Variants in AFAP1 observed in about 807,000 individuals in gnomAD.
AFAP1 encodes actin filament-associated protein 1.
In AFAP1, 75 loss-of-function variants were observed where a neutral mutation model predicts 93.9. The ratio of observed to expected loss-of-function variants is 0.80; its 90% CI spans 0.66 to 0.97. The LOEUF (loss-of-function observed/expected upper bound fraction) is 0.97. Ranked by LOEUF, AFAP1 falls within the 50% of genes least tolerant of loss-of-function variation. The probability of loss-of-function intolerance (pLI) is 0.00; values close to 1 mark genes in which losing one functional copy is unlikely to be tolerated. For synonymous variants in AFAP1, 517 were observed against 430.7 expected, an observed-to-expected ratio of 1.20 and a Z score of -2.48; for missense variants, 1,201 against 1,050.8, an observed-to-expected ratio of 1.14 and a Z score of -1.98.
At position 7,876,826 on chromosome 4, in the gene AFAP1, G is replaced by A. The variant is rs748816695; in HGVS notation, c.-2-4746C>T. Among the ~76,000 whole-genome samples, 8 of 152,136 alleles carry A rather than the reference G, an allele frequency of 5.3e-5. No individual in the cohort carries two copies. The South Asian group carries it at 1.4e-3, about 28-fold the overall frequency. On this transcript the variant is annotated intron_variant, in intron 1 of 17. Transcript: ENST00000420658. ...GATTCTCAAAACACAGCTCTCTAGCGCCTCAGAAAGCGAAATACTCCCATA... is the reference window on the plus strand; with the variant it reads ...GATTCTCAAAACACAGCTCTCTAGCACCTCAGAAAGCGAAATACTCCCATA...
At chr4:7,857,689 C>T (rs983830761) in intron 3 of AFAP1, among the ~76,000 whole-genome samples, 5 of 152,246 alleles carry the variant, frequency 3.3e-5, no homozygotes, top group African/African-American at 7.2e-5. Context: ...CTGCTTGATT[C>T]ACTGAGTATC....
chr4:7,873,883 CAT>C (rs1217186035), intron 1 of AFAP1, among the ~76,000 whole-genome samples: 2 of 152,164 alleles, frequency 1.3e-5, no homozygotes, highest in African/African-American at 4.8e-5. Flanking sequence ...AGAATGAACA[CAT>C]GAGCTCATCA....
chr4:7,915,843 C>T (rs1720057089), intron 1 of AFAP1, among the ~76,000 whole-genome samples: 1 of 152,242 alleles, frequency 6.6e-6, no homozygotes, highest in African/African-American at 2.4e-5. Context: ...CTTTCCCAGG[C>T]TCACTCTACA....
At chr4:7,778,639 G>T in intron 14 of AFAP1, 123 bp downstream of exon 14, 1 of 908,522 alleles carries the variant, frequency 1.1e-6, no homozygotes, top group Non-Finnish European at 1.8e-6. Flanking sequence ...GGATGACGGT[G>T]CCCACCGCTC....
At chr4:7,865,459 T>C (rs974934375) in intron 3 of AFAP1, among the ~76,000 whole-genome samples, 1 of 152,208 alleles carries the variant, frequency 6.6e-6, no homozygotes, top group Non-Finnish European at 1.5e-5. Context: ...ACCAACATTT[T>C]TGATTGACCA....
At chr4:7,822,583 TTTC>T (rs1348419629) in intron 6 of AFAP1, among the ~76,000 whole-genome samples, 2 of 96,906 alleles carry the variant, frequency 2.1e-5, no homozygotes, top group African/African-American at 4.2e-5. Context: ...CTTTTTCTTT[TTTC>T]TTTTTTTTTT....
chr4:7,850,881 ACCT>A (rs1714358945), intron 4 of AFAP1, among the ~76,000 whole-genome samples: 1 of 152,010 alleles, frequency 6.6e-6, no homozygotes, highest in African/African-American at 2.4e-5. Flanking sequence ...TTTACCCTTG[ACCT>A]CCTGCGCTTC....
intron 1 of AFAP1, among the ~76,000 whole-genome samples, chr4:7,889,431 C>T (rs988914143): frequency 1.3e-5 from 2 of 151,256 alleles, no homozygotes; most frequent in African/African-American, 2.4e-5. Context: ...GCCTGTAGCC[C>T]CAGCTACTCG....
chr4:7,801,934 A>AC, intron 9 of AFAP1, among the ~76,000 whole-genome samples: 1 of 151,298 alleles, frequency 6.6e-6, no homozygotes, highest in Non-Finnish European at 1.5e-5. Flanking sequence ...AAAAAAAAAA[A>AC]AAAAAAAACT....
intron 1 of AFAP1, among the ~76,000 whole-genome samples, chr4:7,919,221 GCAA>G (rs932438739): frequency 3.9e-5 from 6 of 152,326 alleles, no homozygotes; most frequent in African/African-American, 1.4e-4. Context: ...CCCAACGGCG[GCAA>G]CAACATCAAC....
At chr4:7,850,008 G>A (rs911209654) in intron 4 of AFAP1, among the ~76,000 whole-genome samples, 1 of 152,150 alleles carries the variant, frequency 6.6e-6, no homozygotes, top group African/African-American at 2.4e-5. Context: ...AAAGGGACGA[G>A]GAGAGAAGCC....
chr4:7,895,636 A>G (rs1718719689), intron 1 of AFAP1, among the ~76,000 whole-genome samples: 1 of 152,142 alleles, frequency 6.6e-6, no homozygotes, highest in Admixed American at 6.5e-5. Flanking sequence ...TCCAGAGTAG[A>G]TACTATCATT....
intron 3 of AFAP1, among the ~76,000 whole-genome samples, chr4:7,862,733 T>C (rs952323110): frequency 2.0e-5 from 3 of 152,182 alleles, no homozygotes; most frequent in African/African-American, 4.8e-5. Flanking sequence ...TGAAACATGA[T>C]ATAACCTCAG....
intron 17 of AFAP1, among the ~76,000 whole-genome samples, chr4:7,767,355 C>T (rs750328008): frequency 6.6e-6 from 1 of 152,090 alleles, no homozygotes; most frequent in African/African-American, 2.4e-5. Context: ...AGGGTCGGGA[C>T]CACAGAATTT....
chr4:7,804,364 G>C (rs1719317318), intron 9 of AFAP1, among the ~76,000 whole-genome samples: 1 of 152,176 alleles, frequency 6.6e-6, no homozygotes, highest in Non-Finnish European at 1.5e-5. Flanking sequence ...ATCATATTAT[G>C]GTAGGGTGTT....
At chr4:7,815,307 A>G (rs908910951) in intron 8 of AFAP1, among the ~76,000 whole-genome samples, 3 of 152,244 alleles carry the variant, frequency 2.0e-5, no homozygotes, top group African/African-American at 7.2e-5. Context: ...TTGCAACATT[A>G]AAAGAGTTCT....
intron 1 of AFAP1, among the ~76,000 whole-genome samples, chr4:7,898,036 G>A (rs2149214064): frequency 6.6e-6 from 1 of 152,210 alleles, no homozygotes; most frequent in East Asian, 1.9e-4. Flanking sequence ...CAAAGTATGT[G>A]CCAGACCTAA....
intron 8 of AFAP1, among the ~76,000 whole-genome samples, chr4:7,815,297 T>C (rs1214997180): frequency 6.6e-6 from 1 of 152,234 alleles, no homozygotes; most frequent in Non-Finnish European, 1.5e-5. Context: ...AGCTTCGCTC[T>C]TGCAACATTA....
chr4:7,767,033 G>A (rs1258052156), intron 17 of AFAP1, among the ~76,000 whole-genome samples: 1 of 152,216 alleles, frequency 6.6e-6, no homozygotes, highest in African/African-American at 2.4e-5. Context: ...ATACACAAGT[G>A]CATTCATGTT....
Sources: gnomAD v4.1 joint callset for allele counts (sites outside exome capture counted in the v4.1 genomes callset) on GRCh38, gnomAD v4.1.1 for gene constraint, MANE v1.5 for transcripts, NCBI Gene and HGNC (gene_info 2026-07-23, HGNC 2026-07-21) for gene names.